The following WDR35 variants were observed in gnomAD, a reference collection of about 807,000 sequenced individuals.
The protein encoded by WDR35 is WD repeat-containing protein 35.
Under a neutral mutation model 158.3 loss-of-function variants are expected in WDR35, and 118 were observed. That is an observed-to-expected ratio of 0.75 (90% CI 0.64 to 0.87). WDR35 has a LOEUF of 0.87. Among genes scored for constraint, WDR35 ranks in the 40% least tolerant of loss-of-function variants. The probability of loss-of-function intolerance (pLI) is 0.00; values close to 1 mark genes in which losing one functional copy is unlikely to be tolerated. For missense variants in WDR35, 1,263 were observed against 1,405.8 expected, an observed-to-expected ratio of 0.90 and a Z score of 1.62; for synonymous variants, 448 against 476.1, an observed-to-expected ratio of 0.94 and a Z score of 0.77.
chr2:19,972,957 A>G lies in WDR35; in HGVS notation c.882+606T>C, dbSNP rs1040943621. Among the ~76,000 whole-genome samples the G allele has an allele frequency of 4.6e-5, 7 of 152,072 alleles. No homozygotes were observed. The East Asian group carries it at 5.8e-4, about 13-fold the overall frequency. ...TAATTCTCCTACTTGACATTTTCCAATGCTACTTCTGAAAATTCTTTTAAA... is the reference window on the plus strand; with the variant it reads ...TAATTCTCCTACTTGACATTTTCCAGTGCTACTTCTGAAAATTCTTTTAAA... On this transcript the variant is annotated intron_variant, in intron 8 of 26. Transcript: ENST00000281405.
At chr2:19,918,253 G>A (rs1177281928) in intron 25 of WDR35, among the ~76,000 whole-genome samples, 1 of 152,160 alleles carries the variant, frequency 6.6e-6, no homozygotes, top group Non-Finnish European at 1.5e-5. Context: ...CACTAAACAT[G>A]GAAAGGAACA....
rs561487895 is a variant in WDR35, at chr2:19,947,599, A to G, written c.1524+565T>C. ...GCTGAAATTTGCCATAGGCTTCTCTATTTTACTGGCTGGCAAACATGTTAC... is the reference window on the plus strand; with the variant it reads ...GCTGAAATTTGCCATAGGCTTCTCTGTTTTACTGGCTGGCAAACATGTTAC... On this transcript the variant is annotated intron_variant, in intron 14 of 26. Transcript: ENST00000281405. 3.3e-5 allele frequency among the ~76,000 whole-genome samples: 5 copies of G among 152,290 alleles called. No homozygotes were observed. In the East Asian group the frequency reaches 7.7e-4, roughly 23 times the overall value.
Position 19,974,281 on chromosome 2 carries a change from G to A in WDR35, c.736+187C>T, listed in dbSNP as rs549011403. Among the ~76,000 whole-genome samples the A allele has an allele frequency of 9.2e-5, 14 of 151,454 alleles. No individual in the cohort carries two copies. The South Asian group carries it at 1.2e-3, about 14-fold the overall frequency. On this transcript the variant is annotated intron_variant, in intron 7 of 26. Transcript: ENST00000281405. Reference sequence around the variant, plus strand: ...AAAAATTAGCCAGGCATAGTGGCACGCCCTGTAGTCCCAGCTACTCGGGAG... The same window carrying A: ...AAAAATTAGCCAGGCATAGTGGCACACCCTGTAGTCCCAGCTACTCGGGAG...
chr2:19,981,527 T>C (rs1236034908), intron 3 of WDR35, among the ~76,000 whole-genome samples: 1 of 152,140 alleles, frequency 6.6e-6, no homozygotes, highest in Non-Finnish European at 1.5e-5. Context: ...TTTAGTCTTT[T>C]TTTTTCTTGA....
At chr2:19,960,497 A>C (rs1641854766) in intron 11 of WDR35, 57 bp downstream of exon 11, 1 of 1,392,756 alleles carries the variant, frequency 7.2e-7, no homozygotes, top group African/African-American at 1.4e-5. Context: ...AGGTTTTTAA[A>C]TTAGTGTTAC....
At chr2:19,966,995 T>C in intron 9 of WDR35, 86 bp from the exon 10 acceptor site, 1 of 1,341,966 alleles carries the variant, frequency 7.5e-7, no homozygotes, top group Non-Finnish European at 1.0e-6. Flanking sequence ...CATTATTTTA[T>C]TTTTACTCTC....
At chr2:19,950,262 A>G (rs550091366) in intron 13 of WDR35, among the ~76,000 whole-genome samples, 2 of 152,328 alleles carry the variant, frequency 1.3e-5, no homozygotes, top group East Asian at 3.9e-4. Flanking sequence ...CCAAGAAGAA[A>G]AAAGTAGTCA....
chr2:19,978,668 A>G, intron 5 of WDR35, 83 bp downstream of exon 5: 1 of 1,591,004 alleles, frequency 6.3e-7, no homozygotes, highest in African/African-American at 1.3e-5. Flanking sequence ...GAATGCTAAC[A>G]TATGGTAACT....
At chr2:19,965,170 G>A (rs533830924) in intron 10 of WDR35, among the ~76,000 whole-genome samples, 8 of 152,126 alleles carry the variant, frequency 5.3e-5, no homozygotes, top group Non-Finnish European at 1.2e-4. Context: ...TAATCCGCCC[G>A]CCTTGGTCTC....
chr2:19,938,479 G>T, intron 17 of WDR35, 78 bp from the exon 18 acceptor site: 49 of 1,487,236 alleles, frequency 3.3e-5, no homozygotes, highest in African/African-American at 1.0e-4. Context: ...TTAAAAACCA[G>T]AACAAAACAA....
intron 25 of WDR35, among the ~76,000 whole-genome samples, chr2:19,926,438 G>A (rs1014426455): frequency 6.6e-6 from 1 of 152,228 alleles, no homozygotes; most frequent in Non-Finnish European, 1.5e-5. Context: ...AGCTGTAATT[G>A]AGGTAATGAC....
At chr2:19,951,520 G>C in intron 12 of WDR35, 36 bp from the exon 13 acceptor site, 2 of 1,518,826 alleles carry the variant, frequency 1.3e-6, no homozygotes, top group Non-Finnish European at 1.8e-6. Context: ...GAAAGTTTAA[G>C]TATAGTTTAT....
intron 11 of WDR35, among the ~76,000 whole-genome samples, chr2:19,958,557 A>G (rs761621486): frequency 1.3e-5 from 2 of 152,232 alleles, no homozygotes; most frequent in Non-Finnish European, 2.9e-5. Context: ...GTATATACTC[A>G]TTGATAGTTT....
chr2:19,969,850 C>T (rs1335010271), intron 8 of WDR35, among the ~76,000 whole-genome samples: 1 of 151,788 alleles, frequency 6.6e-6, no homozygotes, highest in Non-Finnish European at 1.5e-5. Flanking sequence ...CAGGTTCACG[C>T]CATTCTCCTG....
At chr2:19,922,972 A>C (rs1446348553) in intron 25 of WDR35, among the ~76,000 whole-genome samples, 1 of 152,238 alleles carries the variant, frequency 6.6e-6, no homozygotes, top group Non-Finnish European at 1.5e-5. Context: ...CTGTGCCTTA[A>C]GGACATGCTC....
At chr2:19,920,007 T>C (rs773863217) in intron 25 of WDR35, among the ~76,000 whole-genome samples, 1 of 152,040 alleles carries the variant, frequency 6.6e-6, no homozygotes, top group African/African-American at 2.4e-5. Context: ...CCTGGACACA[T>C]ACACCCTCCC....
At chr2:19,925,439 A>G (rs1462879735) in intron 25 of WDR35, among the ~76,000 whole-genome samples, 1 of 152,248 alleles carries the variant, frequency 6.6e-6, no homozygotes, top group Non-Finnish European at 1.5e-5. Context: ...AAATCAAATT[A>G]CTGATAAACG....
At chr2:19,958,710 T>C (rs1335097440) in intron 11 of WDR35, among the ~76,000 whole-genome samples, 5 of 152,164 alleles carry the variant, frequency 3.3e-5, no homozygotes, top group Non-Finnish European at 7.4e-5. Flanking sequence ...TTTAAGAAGT[T>C]CAAAGTCTAG....
At chr2:19,930,621 A>C (rs1452953075) in intron 24 of WDR35, 69 bp from the exon 25 acceptor site, 1 of 1,601,864 alleles carries the variant, frequency 6.2e-7, no homozygotes, top group African/African-American at 1.3e-5. Context: ...CCCAAATAAC[A>C]ACAGTCATTA....
Sources: gnomAD v4.1 joint callset for allele counts (sites outside exome capture counted in the v4.1 genomes callset) on GRCh38, gnomAD v4.1.1 for gene constraint, MANE v1.5 for transcripts, NCBI Gene and HGNC (gene_info 2026-07-23, HGNC 2026-07-21) for gene names.